The following FAM120A variants were observed in gnomAD, a reference collection of about 807,000 sequenced individuals.
FAM120A encodes family with sequence similarity 120 member A, also known as constitutive coactivator of PPAR-gamma-like protein 1.
In FAM120A, 15 loss-of-function variants were observed where a neutral mutation model predicts 109.7. That is an observed-to-expected ratio of 0.14 (90% confidence interval 0.09 to 0.21). The LOEUF (loss-of-function observed/expected upper bound fraction) is 0.21, where lower values mean the gene tolerates loss of function less well. FAM120A is among the 10% of genes least tolerant of loss of function. The pLI, the probability that FAM120A is intolerant of heterozygous loss-of-function variation, is 1.00. For missense variants in FAM120A, 899 were observed against 1,439.3 expected (o/e 0.62, Z 6.07); for synonymous variants, 493 against 572.8 (o/e 0.86, Z 1.99).
chr9:93,543,561 A>T (rs1394049022), intron 11 of FAM120A, 90 bp downstream of exon 11: 2 of 1,462,674 alleles, frequency 1.4e-6, no homozygotes, highest in Admixed American at 4.5e-5. Context: ...GAAAGGATGT[A>T]AAGTTTATTC....
At chr9:93,529,255 C>T in intron 8 of FAM120A, 98 bp from the exon 9 acceptor site, 2 of 1,084,762 alleles carry the variant, frequency 1.8e-6, no homozygotes, top group South Asian at 1.6e-5. Flanking sequence ...ATCTTTGTCC[C>T]CTCCGTGTCT....
rs1859773229 is a variant in FAM120A at position 93,500,904 on chromosome 9, A to T, written c.1030+2018A>T. Among the ~76,000 whole-genome samples, 1 of 152,240 alleles carries T rather than the reference A, an allele frequency of 6.6e-6. No individual in the cohort carries two copies. The highest frequency in any genetic ancestry group is 1.9e-4 in the East Asian group (1 of 5,196). On this transcript the variant is annotated intron_variant, in intron 5 of 17. Transcript: ENST00000277165. The surrounding 1 kb of genome is among the most constrained non-coding windows in gnomAD (Gnocchi z 4.6). The stretch of plus-strand genomic sequence containing the variant: ...CCCTATTTTATAGAATGGGGTCATT[A>T]TGTGAATATTAAAAGAGAAGGCGTA...
At position 93,550,681 on chromosome 9, in the gene FAM120A, A is replaced by G; in HGVS notation, c.2264A>G (p.Gln755Arg). The G allele has an allele frequency of 1.2e-6, 2 of 1,613,350 alleles. No homozygotes were observed. Among genetic ancestry groups the G allele is most frequent in the East Asian group, 4.5e-5 (2 of 44,880 alleles). Residue 755 changes from glutamine to arginine, a missense_variant, in exon 12 of 18, where the codon CAG (glutamine) becomes CGG (arginine). Gln to Arg is a conservative substitution (Grantham distance 43, BLOSUM62 1). Around this residue, in one of 11 missense-constraint regions of FAM120A, gnomAD observed 52 missense variants for 49.7 expected, o/e 1.05. Transcript: ENST00000277165. ...SPKLYEPDQL[Q>R]ELKIENLDPR... ...AAACTCTACGAGCCTGATCAGCTCC[A>G]GGAGCTCAAGGTAATTTATCAGCCT...
rs776945166 is a variant in FAM120A at position 93,562,289 on chromosome 9, C to T, written c.3030C>T (p.Asn1010=). Reference sequence around the variant, plus strand: ...GGTACTATGGCAGAGGTTACAAAAACCAGGCAGCAATTCAGGTAAGAAGAC... The same window carrying T: ...GGTACTATGGCAGAGGTTACAAAAATCAGGCAGCAATTCAGGTAAGAAGAC... ...GGRYYGRGYK[N]QAAIQGRPPY... Residue 1010 remains asparagine (N), a synonymous_variant, in exon 17 of 18, where the codon AAC becomes AAT. Coordinates refer to ENST00000277165, the MANE Select transcript of FAM120A (RefSeq NM_014612.5). 4 of 1,613,878 alleles carry T rather than the reference C, an allele frequency of 2.5e-6. No homozygotes were observed. The highest frequency in any genetic ancestry group is 8.5e-7 in the Non-Finnish European group (1 of 1,179,776).
At chr9:93,473,732 G>A (rs1326408843) in intron 2 of FAM120A, among the ~76,000 whole-genome samples, 1 of 152,232 alleles carries the variant, frequency 6.6e-6, no homozygotes, top group Non-Finnish European at 1.5e-5. Flanking sequence ...ACAGTGCTTA[G>A]TAAGGGAACT....
intron 9 of FAM120A, among the ~76,000 whole-genome samples, chr9:93,531,889 C>T (rs980779676): frequency 6.6e-6 from 1 of 152,186 alleles, no homozygotes; most frequent in African/African-American, 2.4e-5. Context: ...GACTTTGGAA[C>T]ATCTACATGG....
Position 93,452,020 on chromosome 9 carries a change from G to T in FAM120A, c.105G>T (p.Gly35=). The T allele has an allele frequency of 6.4e-7, 1 of 1,559,140 alleles. No homozygotes were observed. The highest frequency in any genetic ancestry group is 8.7e-7 in the Non-Finnish European group (1 of 1,152,872). The change falls in exon 1 of 18, where the codon GGG becomes GGT. Residue 35 remains glycine (G), a synonymous_variant. Transcript: ENST00000277165. The surrounding 1 kb of genome is among the most constrained non-coding windows in gnomAD (Gnocchi z 7.0). ...CCCGGGGCAGCCTGGTGGGCGGCGGGCGGCAGCGGCCCCCGCAGACCCCGC... is the reference window on the plus strand; with the variant it reads ...CCCGGGGCAGCCTGGTGGGCGGCGGTCGGCAGCGGCCCCCGCAGACCCCGC... The part of the protein sequence containing the change: ...KLARGSLVGG[G]RQRPPQTPLR...
intron 3 of FAM120A, among the ~76,000 whole-genome samples, chr9:93,479,750 CAT>C (rs1295279083): frequency 6.6e-6 from 1 of 152,186 alleles, no homozygotes; most frequent in Admixed American, 6.5e-5. Context: ...ATCTTTTAAA[CAT>C]GTGTCTTTAC....
chr9:93,494,565 G>A (rs4744249), intron 3 of FAM120A, among the ~76,000 whole-genome samples: 43,518 of 152,020 alleles, frequency 0.29, 7,184 homozygotes, highest in East Asian at 0.44. Flanking sequence ...CTTATCTGCA[G>A]GCATTGCTTC....
At chr9:93,464,895 A>C (rs765080233) in intron 1 of FAM120A, among the ~76,000 whole-genome samples, 1 of 152,250 alleles carries the variant, frequency 6.6e-6, no homozygotes, top group South Asian at 2.1e-4. Flanking sequence ...TAATCTGAAC[A>C]TTGCGTTTAA....
chr9:93,545,304 AT>A (rs58960283), intron 11 of FAM120A, among the ~76,000 whole-genome samples: 3,357 of 152,284 alleles, frequency 0.022, 121 homozygotes, highest in African/African-American at 0.076. Flanking sequence ...GCTGTTGTGT[AT>A]TCCTATATCT....
At chr9:93,463,217 AT>A in intron 1 of FAM120A, among the ~76,000 whole-genome samples, 1 of 152,142 alleles carries the variant, frequency 6.6e-6, no homozygotes, top group African/African-American at 2.4e-5. Context: ...AGCCATCCTA[AT>A]GGGTGTGAGG....
intron 15 of FAM120A, among the ~76,000 whole-genome samples, chr9:93,559,868 C>T (rs1055761538): frequency 1.1e-4 from 16 of 152,230 alleles, no homozygotes; most frequent in Admixed American, 4.6e-4. Flanking sequence ...GTCTGGAACT[C>T]AGATTTGCAC....
intron 3 of FAM120A, among the ~76,000 whole-genome samples, chr9:93,491,853 AAAC>A (rs1461173341): frequency 6.6e-6 from 1 of 152,204 alleles, no homozygotes; most frequent in African/African-American, 2.4e-5. Flanking sequence ...AGATTTAAAA[AAAC>A]TGATTAAAGA....
intron 11 of FAM120A, among the ~76,000 whole-genome samples, chr9:93,544,972 A>G (rs1861829906): frequency 6.6e-6 from 1 of 152,168 alleles, no homozygotes; most frequent in African/African-American, 2.4e-5. Context: ...GCACGTTTTT[A>G]TCAGCATGAA....
At position 93,532,010 on chromosome 9, in the gene FAM120A, C is replaced by T; in HGVS notation, c.1735-145C>T. The T allele has an allele frequency of 3.9e-6, 3 of 776,142 alleles. No homozygotes were observed. The highest frequency in any genetic ancestry group is 3.5e-5 in the South Asian group (2 of 56,918). 48.1% of individuals were successfully genotyped at this position (776,142 alleles called of 1,614,324 possible). On this transcript the variant is annotated intron_variant, in intron 9 of 17. Transcript: ENST00000277165. The surrounding 1 kb of genome is among the most constrained non-coding windows in gnomAD (Gnocchi z 4.3). ...TGCCAAATGAACTCTTCCTAAACAT[C>T]TTTATTTAGGCAAGTTGTTAAGCAG... is the stretch of plus-strand genomic sequence containing the variant.
intron 5 of FAM120A, among the ~76,000 whole-genome samples, chr9:93,509,797 G>A (rs1158491067): frequency 1.3e-5 from 2 of 152,166 alleles, no homozygotes; most frequent in Non-Finnish European, 2.9e-5. Flanking sequence ...ATGGCAACCT[G>A]TGCTTCAGAT....
At chr9:93,456,985 GTTGTACTACTTTTGTCACTAGT>G (rs1857576048) in intron 1 of FAM120A, among the ~76,000 whole-genome samples, 1 of 152,132 alleles carries the variant, frequency 6.6e-6, no homozygotes, top group African/African-American at 2.4e-5. Flanking sequence ...ATATTTCTCT[GTTGTACTACTTTTGTCACTAGT>G]TTAATTCACA....
At chr9:93,458,926 T>G (rs1438406097) in intron 1 of FAM120A, among the ~76,000 whole-genome samples, 1 of 152,212 alleles carries the variant, frequency 6.6e-6, no homozygotes, top group African/African-American at 2.4e-5. Context: ...TCATTTGACC[T>G]TACTTAATGT....
Sources: gnomAD v4.1 joint callset for allele counts (sites outside exome capture counted in the v4.1 genomes callset) on GRCh38, gnomAD v4.1.1 for gene constraint, gnomAD v4.1.1 regional missense constraint, Gnocchi (gnomAD v3.1) non-coding constraint, MANE v1.5 for transcripts, NCBI Gene and HGNC (gene_info 2026-07-23, HGNC 2026-07-21) for gene names.